Variants in MVD observed in about 807,000 individuals in gnomAD.
The protein encoded by MVD is diphosphomevalonate decarboxylase.
MVD carries 52 observed loss-of-function variants against 42.4 expected under a neutral mutation model. The observed-to-expected ratio is 1.23, with a 90% confidence interval of 0.98 to 1.55. The LOEUF (loss-of-function observed/expected upper bound fraction) is 1.55. Among genes scored for constraint, MVD ranks in the 40% most tolerant of loss-of-function variants. The probability of loss-of-function intolerance (pLI) is 0.00; values close to 1 mark genes in which losing one functional copy is unlikely to be tolerated. For synonymous variants in MVD, 287 were observed against 243.2 expected, an observed-to-expected ratio of 1.18 and a Z score of -1.68; for missense variants, 663 against 572.1, an observed-to-expected ratio of 1.16 and a Z score of -1.62.
chr16:88,662,808 G>A (rs1194833920), intron 1 of MVD: 2 of 1,472,520 alleles, frequency 1.4e-6, no homozygotes, highest in Admixed American at 2.4e-5. Flanking sequence ...CGTCGCGGGG[G>A]AACGGGTGGC....
At position 88,655,409 on chromosome 16, in the gene MVD, G is replaced by A. The variant is rs773355047; in HGVS notation, c.687C>T (p.Ala229=). 12 of 1,573,966 alleles carry A rather than the reference G, an allele frequency of 7.6e-6. No individual in the cohort carries two copies. The highest frequency in any genetic ancestry group is 5.4e-5 in the African/African-American group (4 of 74,252). The part of the protein sequence containing the change: ...VETSPLLRFR[A]ESVVPARMAE... ...CCATGCGCGCGGGCACCACGGACTCGGCCCGGAACTGCAAGGCACAGGGTG... is the reference window on the plus strand; with the variant it reads ...CCATGCGCGCGGGCACCACGGACTCAGCCCGGAACTGCAAGGCACAGGGTG... The change falls in exon 7 of 10, where the codon GCC becomes GCT. Residue 229 remains alanine, a synonymous_variant. Coordinates refer to ENST00000301012, the MANE Select transcript of MVD (RefSeq NM_002461.3).
intron 1 of MVD, among the ~76,000 whole-genome samples, chr16:88,660,290 C>T (rs891741411): frequency 6.6e-6 from 1 of 152,174 alleles, no homozygotes; most frequent in Non-Finnish European, 1.5e-5. Context: ...CCAGCTCAAA[C>T]GTAAGGTTTA....
At position 88,657,929 on chromosome 16, in the gene MVD, GCCTGCA is replaced by G. The variant is rs1264469983; in HGVS notation, c.236_241del (p.Leu79_Ala81delinsPro). 6.2e-7 allele frequency: 1 copy of G among 1,613,594 alleles called. No homozygotes were observed. Among genetic ancestry groups the G allele is most frequent in the Admixed American group, 1.7e-5 (1 of 60,030 alleles). Reference sequence around the variant, plus strand: ...CCCCAGCTCACTCTCCCGCAGGCAGGCCTGCAGCCGCGGCTGCCCCACATCCTCCTC... The same window carrying G: ...CCCCAGCTCACTCTCCCGCAGGCAGGGCCGCGGCTGCCCCACATCCTCCTC... On this transcript the variant is annotated inframe_deletion, in exon 3 of 10. Transcript: ENST00000301012.
chr16:88,656,432 C>A, intron 4 of MVD, 128 bp from the exon 5 acceptor site: 1 of 1,023,306 alleles, frequency 9.8e-7, no homozygotes, highest in South Asian at 1.5e-5. Context: ...GGCTTCTGGG[C>A]CATCAGCCTT....
Position 88,656,122 on chromosome 16 carries a change from G to A in MVD, c.586C>T (p.Arg196Cys), listed in dbSNP as rs750630125. ...VAPESHWPEL[R>C]VLILVVSAEK... ...CCACTCACCACAAGGATGAGCACGC[G>A]GAGTTCAGGCCAGTGTGACTCGGGG... Residue 196 changes from arginine to cysteine, a missense_variant, in exon 5 of 10, where the codon CGC (arginine) becomes TGC (cysteine). Transcript: ENST00000301012. The A allele has an allele frequency of 4.8e-5, 77 of 1,601,002 alleles. 1 individual carries two copies. Among genetic ancestry groups the A allele is most frequent in the Admixed American group, 2.8e-4 (17 of 59,980 alleles).
Position 88,656,540 on chromosome 16 carries a change from C to T in MVD, c.404-236G>A, listed in dbSNP as rs928740702. On this transcript the variant is annotated intron_variant, in intron 4 of 9. Transcript: ENST00000301012. ...CACGGCCTGCAGAGCTTGCGGCCCG[C>T]GACAAGGGCAACAAAAGGTACCTGC... is the stretch of plus-strand genomic sequence containing the variant. 36 of 578,928 alleles carry T rather than the reference C, an allele frequency of 6.2e-5. No individual in the cohort carries two copies. In the South Asian group the frequency reaches 6.4e-4, roughly 10 times the overall value. 35.9% of individuals were successfully genotyped at this position (578,928 alleles called of 1,614,324 possible).
chr16:88,658,075 C>G, intron 2 of MVD, 46 bp from the exon 3 acceptor site: 2 of 1,572,488 alleles, frequency 1.3e-6, no homozygotes, highest in African/African-American at 1.3e-5. Context: ...CATTGAGGAC[C>G]GATGCCAGCC....
Position 88,654,783 on chromosome 16 carries a change from G to A in MVD, c.922C>T (p.Pro308Ser), listed in dbSNP as rs1907801577. 6.3e-7 allele frequency: 1 copy of A among 1,588,302 alleles called. No homozygotes were observed. The highest frequency in any genetic ancestry group is 8.5e-7 in the Non-Finnish European group (1 of 1,169,606). ...TCCAGGGTGAAGATCACGGCATTGG[G>A]GCCCGCGTCAAAGGTGTACGCCACC... is the stretch of plus-strand genomic sequence containing the variant. ...TKVAYTFDAGPNAVIFTLDDT... is the reference protein window; with the variant it reads ...TKVAYTFDAGSNAVIFTLDDT... The change falls in exon 8 of 10, where the codon CCC becomes TCC. Residue 308 changes from proline (P) to serine (S), a missense_variant. Pro to Ser is a moderately conservative substitution (Grantham distance 74, BLOSUM62 -1). Transcript: ENST00000301012.
intron 1 of MVD, among the ~76,000 whole-genome samples, chr16:88,659,660 C>T (rs1287138841): frequency 3.9e-5 from 6 of 152,106 alleles, no homozygotes; most frequent in Non-Finnish European, 8.8e-5. Context: ...GAAGGGCAGC[C>T]TAGCAACACA....
Position 88,657,129 on chromosome 16 carries a change from A to AT in MVD, c.403+306dup, listed in dbSNP as rs559341096. Reference sequence around the variant, plus strand: ...GAAGATTTTTTTATTTTTTGTAGAGATGGGGGGGGGTCTCACTATGTTGCC... The same window carrying AT: ...GAAGATTTTTTTATTTTTTGTAGAGATTGGGGGGGGGTCTCACTATGTTGCC... On this transcript the variant is annotated intron_variant, in intron 4 of 9. Transcript: ENST00000301012. 298 of 404,146 alleles carry AT rather than the reference A, an allele frequency of 7.4e-4. 1 individual carries two copies. The highest frequency in any genetic ancestry group is 5.4e-3 in the African/African-American group (161 of 29,830). The allele number at this position is 404,146 out of a possible 1,614,324, so 25.0% of individuals were successfully genotyped here.
At position 88,652,170 on chromosome 16, in the gene MVD, G is replaced by A; in HGVS notation, c.*355C>T. 7.5e-6 allele frequency: 3 copies of A among 397,952 alleles called. No homozygotes were observed. The highest frequency in any genetic ancestry group is 1.4e-5 in the Non-Finnish European group (3 of 213,152). 24.7% of individuals were successfully genotyped at this position (397,952 alleles called of 1,614,324 possible). On this transcript the variant is annotated 3_prime_UTR_variant, in exon 10 of 10. Coordinates refer to ENST00000301012, the MANE Select transcript of MVD (RefSeq NM_002461.3). ...GTGACCCCTTCCCTGGTCCGCTGGAGGGACCACCTCCCCACTGAGCTCCTT... is the reference window on the plus strand; with the variant it reads ...GTGACCCCTTCCCTGGTCCGCTGGAAGGACCACCTCCCCACTGAGCTCCTT...
intron 1 of MVD, among the ~76,000 whole-genome samples, chr16:88,659,836 G>A (rs1032309817): frequency 1.3e-5 from 2 of 151,960 alleles, no homozygotes; most frequent in Admixed American, 1.3e-4. Flanking sequence ...CTGTAGTGAC[G>A]CACGCCTGTT....
In MVD at chr16:88,656,280, C is replaced by A; in HGVS notation, c.428G>T (p.Gly143Val). 6.3e-7 allele frequency: 1 copy of A among 1,599,880 alleles called. No individual in the cohort carries two copies. The highest frequency in any genetic ancestry group is 8.5e-7 in the Non-Finnish European group (1 of 1,179,932). ...CACTTCTGAGAGGTCACTCTCCACG[C>A]CGTAGACACGGGCCAGGGTGTAGGC... is the stretch of plus-strand genomic sequence containing the variant. ...CLAYTLARVY[G>V]VESDLSEVAR... Residue 143 changes from glycine (G) to valine (V), a missense_variant, in exon 5 of 10, where the codon GGC (glycine) becomes GTC (valine). Transcript: ENST00000301012.
chr16:88,662,612 G>A, intron 1 of MVD: 7 of 1,076,166 alleles, frequency 6.5e-6, no homozygotes, highest in Non-Finnish European at 8.2e-6. Context: ...CGCGATTTCC[G>A]CTCACTGCAG....
chr16:88,654,398 T>C (rs1297134860), intron 8 of MVD, among the ~76,000 whole-genome samples: 3 of 152,232 alleles, frequency 2.0e-5, no homozygotes, highest in Non-Finnish European at 2.9e-5. Flanking sequence ...GCCACTGTTC[T>C]ATAGAATAAG....
rs1296450498 is a variant in MVD at position 88,657,972 on chromosome 16, G to C, written c.199C>G (p.Leu67Val). 1 of 1,613,884 alleles carries C rather than the reference G, an allele frequency of 6.2e-7. No individual in the cohort carries two copies. Among genetic ancestry groups the C allele is most frequent in the Non-Finnish European group, 8.5e-7 (1 of 1,180,042 alleles). Reference protein sequence around the residue: ...SKDFTEDRIWLNGREEDVGQP... With the variant: ...SKDFTEDRIWVNGREEDVGQP... ...CCCACATCCTCCTCCCGGCCATTCAGCCAAATCCGGTCCTCGGTGAAGTCC... is the reference window on the plus strand; with the variant it reads ...CCCACATCCTCCTCCCGGCCATTCACCCAAATCCGGTCCTCGGTGAAGTCC... Residue 67 changes from leucine to valine, a missense_variant, in exon 3 of 10, where the codon CTG becomes GTG. Leu to Val is a conservative substitution (Grantham distance 32). Coordinates refer to ENST00000301012, the MANE Select transcript of MVD (RefSeq NM_002461.3).
At position 88,652,476 on chromosome 16, in the gene MVD, C is replaced by G. The variant is rs549904492; in HGVS notation, c.*49G>C. The G allele has an allele frequency of 1.3e-6, 2 of 1,542,270 alleles. No individual in the cohort carries two copies. The highest frequency in any genetic ancestry group is 4.9e-5 in the East Asian group (2 of 40,886). Reference sequence around the variant, plus strand: ...GCCCACCACATCCGCTCCCTAGCTCCGGCGAGGCCACCCCTTCTCCAAGCG... The same window carrying G: ...GCCCACCACATCCGCTCCCTAGCTCGGGCGAGGCCACCCCTTCTCCAAGCG... On this transcript the variant is annotated 3_prime_UTR_variant, in exon 10 of 10. Coordinates refer to ENST00000301012, the MANE Select transcript of MVD (RefSeq NM_002461.3).
intron 4 of MVD, 114 bp from the exon 5 acceptor site, chr16:88,656,418 A>T: frequency 8.5e-7 from 1 of 1,171,440 alleles, no homozygotes; most frequent in Non-Finnish European, 1.2e-6. Context: ...TTTCCAGATG[A>T]CAGGGCTTCT....
At chr16:88,656,030 T>A in intron 5 of MVD, 75 bp downstream of exon 5, 1 of 1,518,874 alleles carries the variant, frequency 6.6e-7, no homozygotes. Context: ...ACGCCTTCGC[T>A]CCTGCTCCCG....
Sources: allele counts gnomAD v4.1 joint callset (sites outside exome capture counted in the v4.1 genomes callset), GRCh38; gene constraint gnomAD v4.1.1; transcripts MANE v1.5; gene names NCBI Gene and HGNC (gene_info 2026-07-23, HGNC 2026-07-21).